The following USH2A variants were observed in gnomAD, a reference collection of about 807,000 sequenced individuals.
USH2A encodes the protein Usher syndrome 2A (autosomal recessive, mild).
In USH2A, 443 loss-of-function variants were observed where a neutral mutation model predicts 538.9. That is an observed-to-expected ratio of 0.82 (90% CI 0.76 to 0.89). The LOEUF (loss-of-function observed/expected upper bound fraction) is 0.89, where lower values mean the gene tolerates loss of function less well. USH2A is among the 40% of genes least tolerant of loss of function. The probability of loss-of-function intolerance (pLI) is 0.00; values close to 1 mark genes in which losing one functional copy is unlikely to be tolerated. For synonymous variants in USH2A, 2,413 were observed against 2,273.5 expected (o/e 1.06, Z -1.75); for missense variants, 6,633 against 6,324.8 (o/e 1.05, Z -1.65).
intron 4 of USH2A, among the ~76,000 whole-genome samples, chr1:216,353,895 C>A (rs1230533525): frequency 6.6e-6 from 1 of 152,014 alleles, no homozygotes; most frequent in South Asian, 2.1e-4. Context: ...AAGTAATAAG[C>A]CTTTTGTAGG....
At chr1:215,687,075 A>G (rs1307751421) in intron 61 of USH2A, among the ~76,000 whole-genome samples, 1 of 152,048 alleles carries the variant, frequency 6.6e-6, no homozygotes, top group Non-Finnish European at 1.5e-5. Context: ...CCCCTTGTAC[A>G]TATCAAACAG....
chr1:215,800,554 C>A (rs1324811897), intron 49 of USH2A, among the ~76,000 whole-genome samples: 2 of 152,122 alleles, frequency 1.3e-5, no homozygotes, highest in Non-Finnish European at 2.9e-5. Flanking sequence ...GATTTATAGT[C>A]CTGGACTTCT....
intron 21 of USH2A, among the ~76,000 whole-genome samples, chr1:216,114,703 T>C (rs1308197359): frequency 6.6e-6 from 1 of 152,106 alleles, no homozygotes; most frequent in African/African-American, 2.4e-5. Flanking sequence ...TGGTAAACCC[T>C]GAAGAAATGA....
intron 52 of USH2A, among the ~76,000 whole-genome samples, chr1:215,783,653 G>A (rs948971351): frequency 2.0e-5 from 3 of 152,068 alleles, no homozygotes; most frequent in Non-Finnish European, 2.9e-5. Flanking sequence ...TAATAACTTC[G>A]GAAATACCAA....
Position 215,630,022 on chromosome 1 carries a change from G to T in USH2A, c.15298-987C>A, listed in dbSNP as rs1318122234. 10 of 479,852 alleles carry T rather than the reference G, an allele frequency of 2.1e-5. 1 individual carries two copies. The highest frequency in any genetic ancestry group is 7.9e-5 in the African/African-American group (4 of 50,772). 29.7% of individuals were successfully genotyped at this position (479,852 alleles called of 1,614,324 possible). ...GATCTCCTGACCTTGTGATCCGCCCGCCTCGGCCTCCCATTTCTTTTCTTT... is the reference window on the plus strand; with the variant it reads ...GATCTCCTGACCTTGTGATCCGCCCTCCTCGGCCTCCCATTTCTTTTCTTT... On this transcript the variant is annotated intron_variant, in intron 70 of 71. Transcript: ENST00000307340.
intron 34 of USH2A, among the ~76,000 whole-genome samples, chr1:215,997,840 T>A (rs566769052): frequency 2.0e-5 from 3 of 152,276 alleles, no homozygotes; most frequent in African/African-American, 7.2e-5. Flanking sequence ...GTAATAAAAC[T>A]GTACATAACC....
At chr1:216,273,280 G>A (rs2036609102) in intron 11 of USH2A, among the ~76,000 whole-genome samples, 1 of 152,068 alleles carries the variant, frequency 6.6e-6, no homozygotes, top group Non-Finnish European at 1.5e-5. Flanking sequence ...GCCAGTGACT[G>A]CAAGAGTTCT....
chr1:216,217,974 G>A (rs1039388746), intron 14 of USH2A, among the ~76,000 whole-genome samples: 33 of 151,990 alleles, frequency 2.2e-4, no homozygotes, highest in African/African-American at 7.7e-4. Context: ...CTCTCCAATT[G>A]CGAAATAGAA....
intron 22 of USH2A, among the ~76,000 whole-genome samples, chr1:216,091,143 A>G (rs2032292396): frequency 6.6e-6 from 1 of 152,182 alleles, no homozygotes. Flanking sequence ...CCCCCCATCA[A>G]TGTTGAAAGA....
chr1:215,748,243 G>A (rs971492573), intron 58 of USH2A, among the ~76,000 whole-genome samples: 24 of 152,008 alleles, frequency 1.6e-4, no homozygotes, highest in African/African-American at 5.8e-4. Context: ...TCTGCCTCAC[G>A]GTGAACCCAC....
chr1:215,956,997 A>T (rs1667083750), intron 37 of USH2A, among the ~76,000 whole-genome samples: 1 of 152,186 alleles, frequency 6.6e-6, no homozygotes, highest in Non-Finnish European at 1.5e-5. Context: ...TTTCATTAAC[A>T]ATATGGCCAT....
chr1:216,248,062 C>G (rs2036087830), intron 12 of USH2A, among the ~76,000 whole-genome samples: 2 of 151,966 alleles, frequency 1.3e-5, no homozygotes, highest in Admixed American at 6.6e-5. Context: ...TTGTATGCTC[C>G]TCTATTTTAT....
Position 216,104,287 on chromosome 1 carries a change from A to C in USH2A, c.4628-7074T>G, listed in dbSNP as rs187938030. Among the ~76,000 whole-genome samples, 1,410 of 151,526 alleles carry C rather than the reference A, an allele frequency of 9.3e-3. 8 individuals carry two copies. The highest frequency in any genetic ancestry group is 0.026 in the South Asian group (122 of 4,784). On this transcript the variant is annotated intron_variant, in intron 21 of 71. Transcript: ENST00000307340. ...TGTGTCCATGTGTTCTCATTGTTCA[A>C]TTCCCACCTATGAGTGAGAACATGC...
Position 215,675,467 on chromosome 1 carries a change from C to T in USH2A, c.12444G>A (p.Leu4148=), listed in dbSNP as rs982341026. 2 of 1,614,070 alleles carry T rather than the reference C, an allele frequency of 1.2e-6. No homozygotes were observed. The highest frequency in any genetic ancestry group is 4.5e-5 in the East Asian group (2 of 44,862). Residue 4148 remains leucine, a synonymous_variant, in exon 63 of 72, where the codon CTG becomes CTA. Coordinates refer to ENST00000307340, the MANE Select transcript of USH2A (RefSeq NM_206933.4). ...AGTCTGGAGGGGCTTCATCTGTCCA[C>T]AGAGGCTGAGGCGCCGAGTGTGCAC... ...AGCAHSAPQP[L]WTDEAPPDSQ...
At position 215,888,886 on chromosome 1, in the gene USH2A, A is replaced by G. The variant is rs771523547; in HGVS notation, c.7763T>C (p.Met2588Thr). 1 of 1,614,156 alleles carries G rather than the reference A, an allele frequency of 6.2e-7. No homozygotes were observed. The highest frequency in any genetic ancestry group is 8.5e-7 in the Non-Finnish European group (1 of 1,180,004). ...TPGNVTNCTV[M>T]HLHPYTAYKF... ...ATAGGCAGTGTATGGGTGTAAATGC[A>G]TCACTGTGCAATTAGTGACATTTCC... is the stretch of plus-strand genomic sequence containing the variant. Residue 2588 changes from methionine to threonine, a missense_variant, in exon 41 of 72, where the codon ATG (methionine) becomes ACG (threonine). By Grantham distance (81) the Met-to-Thr change is moderately conservative. Coordinates refer to ENST00000307340, the MANE Select transcript of USH2A (RefSeq NM_206933.4).
intron 71 of USH2A, among the ~76,000 whole-genome samples, chr1:215,627,237 G>A (rs914030875): frequency 6.6e-6 from 1 of 152,162 alleles, no homozygotes; most frequent in African/African-American, 2.4e-5. Context: ...GGAGGAGAAA[G>A]ATGAGAGCAA....
chr1:215,696,542 C>T (rs1278031712), intron 61 of USH2A, among the ~76,000 whole-genome samples: 2 of 152,216 alleles, frequency 1.3e-5, no homozygotes, highest in African/African-American at 4.8e-5. Context: ...TCAGTCTAAA[C>T]AACCTTACAG....
chr1:216,257,905 TG>T (rs2102561565), intron 11 of USH2A, among the ~76,000 whole-genome samples: 1 of 152,170 alleles, frequency 6.6e-6, no homozygotes, highest in African/African-American at 2.4e-5. Context: ...TTTTGATCTG[TG>T]GGGTTATTTA....
At chr1:216,289,447 T>C in intron 10 of USH2A, 37 bp from the exon 11 acceptor site, 1 of 1,613,192 alleles carries the variant, frequency 6.2e-7, no homozygotes, top group Non-Finnish European at 8.5e-7. Context: ...TGACTTCTAA[T>C]TCATTAAAAT....
Sources: gnomAD v4.1 joint callset for allele counts (sites outside exome capture counted in the v4.1 genomes callset) on GRCh38, gnomAD v4.1.1 for gene constraint, MANE v1.5 for transcripts, NCBI Gene and HGNC (gene_info 2026-07-23, HGNC 2026-07-21) for gene names.